The following IL1RAPL2 variants were observed in gnomAD, a reference collection of about 807,000 sequenced individuals.
The protein encoded by IL1RAPL2 is interleukin 1 receptor accessory protein like 2.
Under a neutral mutation model 44.1 loss-of-function variants are expected in IL1RAPL2, and 3 were observed. The observed-to-expected ratio is 0.07, with a 90% CI of 0.03 to 0.18. The LOEUF (loss-of-function observed/expected upper bound fraction) is 0.18. IL1RAPL2 is among the 10% of genes least tolerant of loss of function. The pLI is 1.00. For missense variants in IL1RAPL2, 391 were observed against 496.4 expected (o/e 0.79, Z 2.02); for synonymous variants, 181 against 178.8 (o/e 1.01, Z -0.10).
At chrX:104,904,330 T>G (rs1473258006) in intron 2 of IL1RAPL2, among the ~76,000 whole-genome samples, 3 of 109,662 alleles carry the variant, frequency 2.7e-5, no homozygotes, top group Non-Finnish European at 3.8e-5. Flanking sequence ...ACTTTAAGTT[T>G]TAGGGTACAT....
intron 2 of IL1RAPL2, among the ~76,000 whole-genome samples, chrX:104,726,801 G>C (rs1038161750): frequency 9.1e-6 from 1 of 110,135 alleles, no homozygotes; most frequent in Non-Finnish European, 1.9e-5. Context: ...ATGCTGTTTT[G>C]GCTGCGATAG....
At chrX:105,205,745 TA>T (rs1158121106) in intron 3 of IL1RAPL2, among the ~76,000 whole-genome samples, 1 of 105,706 alleles carries the variant, frequency 9.5e-6, no homozygotes, top group Non-Finnish European at 1.9e-5. Flanking sequence ...TGGACCAGAA[TA>T]AAAAGTTGAT....
chrX:105,163,276 G>T (rs780951925), intron 2 of IL1RAPL2, among the ~76,000 whole-genome samples: 8 of 111,876 alleles, frequency 7.2e-5, no homozygotes, highest in South Asian at 3.7e-4. Context: ...TGCTGAAAAG[G>T]CTGCTCAAAA....
At chrX:104,752,910 G>A (rs1208729824) in intron 2 of IL1RAPL2, among the ~76,000 whole-genome samples, 2 of 109,935 alleles carry the variant, frequency 1.8e-5, no homozygotes, top group Non-Finnish European at 3.8e-5. Flanking sequence ...CCCTTGACCA[G>A]GTCATGGTCT....
At chrX:104,654,497 C>T (rs181173826) in intron 1 of IL1RAPL2, among the ~76,000 whole-genome samples, 56 of 110,856 alleles carry the variant, frequency 5.1e-4, no homozygotes, top group Non-Finnish European at 6.4e-4. Context: ...ACCATCATGG[C>T]TGGAGCATAG....
intron 4 of IL1RAPL2, among the ~76,000 whole-genome samples, chrX:105,238,683 G>T (rs782415204): frequency 1.4e-3 from 154 of 111,361 alleles, no homozygotes; most frequent in Non-Finnish European, 2.4e-3. Context: ...TTGGGGCCTA[G>T]TGCATGACAT....
At chrX:105,186,167 G>A (rs1258700868) in intron 2 of IL1RAPL2, among the ~76,000 whole-genome samples, 2 of 110,835 alleles carry the variant, frequency 1.8e-5, no homozygotes, top group African/African-American at 6.6e-5. Context: ...TAGGGGAGAG[G>A]GTCCTGAAAC....
intron 5 of IL1RAPL2, among the ~76,000 whole-genome samples, chrX:105,447,210 T>A (rs1332084301): frequency 7.6e-5 from 1 of 13,236 alleles, no homozygotes; most frequent in African/African-American, 9.8e-4. Context: ...TATATATAAA[T>A]ATATATAAAA....
In IL1RAPL2 at chrX:104,869,830, G is replaced by T. The variant is rs943966382; in HGVS notation, c.82+210835G>T. ...GGAGAGGCTGTGTTTGTGAGGCCCA[G>T]TTCCCACTCTTCTGATTTCATTTCT... is the stretch of plus-strand genomic sequence containing the variant. On this transcript the variant is annotated intron_variant, in intron 2 of 10. Transcript: ENST00000372582. Among the ~76,000 whole-genome samples the T allele has an allele frequency of 1.6e-4, 18 of 112,069 alleles. 1 individual carries two copies. Among genetic ancestry groups the T allele is most frequent in the Admixed American group, 1.5e-3 (16 of 10,551 alleles).
At position 105,449,752 on chromosome X, in the gene IL1RAPL2, A is replaced by C. The variant is rs752081748; in HGVS notation, c.698-34561A>C. 9.0e-5 allele frequency among the ~76,000 whole-genome samples: 10 copies of C among 110,712 alleles called. No homozygotes were observed. In the East Asian group the frequency reaches 2.6e-3, roughly 29 times the overall value. ...CAGAGTGAGATTCCGTCAAAAAAAA[A>C]ACAAAAAACAAAAAACAGAAGTATT... is the stretch of plus-strand genomic sequence containing the variant. On this transcript the variant is annotated intron_variant, in intron 5 of 10. Coordinates refer to ENST00000372582, the MANE Select transcript of IL1RAPL2 (RefSeq NM_017416.2).
chrX:105,391,663 A>G (rs1296834161), intron 5 of IL1RAPL2, among the ~76,000 whole-genome samples: 1 of 96,671 alleles, frequency 1.0e-5, no homozygotes, highest in Non-Finnish European at 2.0e-5. Flanking sequence ...CCAAAGGACT[A>G]TAAATCATGC....
chrX:105,112,783 T>C (rs1263861605), intron 2 of IL1RAPL2, among the ~76,000 whole-genome samples: 4 of 112,783 alleles, frequency 3.5e-5, no homozygotes, highest in East Asian at 2.8e-4. Flanking sequence ...GAATCCAAAA[T>C]TGTTACAAAA....
intron 2 of IL1RAPL2, among the ~76,000 whole-genome samples, chrX:104,912,881 CTG>C (rs1461315325): frequency 2.1e-4 from 24 of 112,331 alleles, no homozygotes; most frequent in African/African-American, 6.8e-4. Flanking sequence ...GAGACTGTGA[CTG>C]TGCCAGTGGA....
intron 2 of IL1RAPL2, among the ~76,000 whole-genome samples, chrX:104,710,695 A>G (rs1305684085): frequency 1.8e-5 from 2 of 111,259 alleles, no homozygotes; most frequent in Non-Finnish European, 3.8e-5. Context: ...TCAATGATGA[A>G]TTACATATAG....
chrX:105,552,030 T>C (rs919706266), intron 6 of IL1RAPL2, among the ~76,000 whole-genome samples: 5 of 105,994 alleles, frequency 4.7e-5, no homozygotes, highest in South Asian at 4.2e-4. Context: ...GGCATGAACC[T>C]GGGAGGCGGA....
intron 6 of IL1RAPL2, among the ~76,000 whole-genome samples, chrX:105,705,146 G>A (rs954980096): frequency 9.1e-6 from 1 of 109,993 alleles, no homozygotes; most frequent in Non-Finnish European, 1.9e-5. Context: ...AATTAATTCA[G>A]GGAGAGAATG....
chrX:105,443,451 T>C (rs1260044842), intron 5 of IL1RAPL2, among the ~76,000 whole-genome samples: 1 of 111,583 alleles, frequency 9.0e-6, no homozygotes. Flanking sequence ...TTATTCATCC[T>C]TTCTATTTCT....
Position 104,672,407 on chromosome X carries a change from C to T in IL1RAPL2, c.82+13412C>T, listed in dbSNP as rs759283019. ...TGATGTTTTCCAATTTCATCCATGT[C>T]CATAAAAAGGACATGAACTCATCAT... On this transcript the variant is annotated intron_variant, in intron 2 of 10. Coordinates refer to ENST00000372582, the MANE Select transcript of IL1RAPL2 (RefSeq NM_017416.2). Among the ~76,000 whole-genome samples the T allele has an allele frequency of 7.7e-3, 850 of 110,788 alleles. 5 individuals are homozygous for T. Among genetic ancestry groups the T allele is most frequent in the Non-Finnish European group, 9.3e-3 (490 of 52,948 alleles).
chrX:105,242,408 C>T (rs1438244296), intron 4 of IL1RAPL2, among the ~76,000 whole-genome samples: 1 of 111,805 alleles, frequency 8.9e-6, no homozygotes, highest in African/African-American at 3.2e-5. Flanking sequence ...AGAGCTTTTT[C>T]GTATAAACAT....
Sources: allele counts gnomAD v4.1 joint callset (sites outside exome capture counted in the v4.1 genomes callset), GRCh38; gene constraint gnomAD v4.1.1; transcripts MANE v1.5; gene names NCBI Gene and HGNC (gene_info 2026-07-23, HGNC 2026-07-21).